The following KCNIP4 variants were observed in gnomAD, a reference collection of about 807,000 sequenced individuals.
KCNIP4 encodes the protein potassium voltage-gated channel interacting protein 4, also known as Kv channel-interacting protein 4.
KCNIP4 carries 12 observed loss-of-function variants against 34.0 expected under a neutral mutation model. The ratio of observed to expected loss-of-function variants is 0.35; its 90% confidence interval spans 0.23 to 0.57. The LOEUF (loss-of-function observed/expected upper bound fraction) is 0.57, where lower values mean the gene tolerates loss of function less well. Ranked by LOEUF, KCNIP4 falls within the 20% of genes least tolerant of loss-of-function variation. KCNIP4 has a pLI of 0.83. For synonymous variants in KCNIP4, 124 were observed against 102.2 expected (o/e 1.21, Z -1.29); for missense variants, 238 against 311.7 (o/e 0.76, Z 1.78).
chr4:21,479,235 CCTG>C (rs1329261980), intron 1 of KCNIP4, among the ~76,000 whole-genome samples: 2 of 152,076 alleles, frequency 1.3e-5, no homozygotes, highest in Non-Finnish European at 2.9e-5. Flanking sequence ...CTAGTCTCAT[CCTG>C]CTGCTGCTCA....
chr4:21,220,262 T>C (rs1757890766), intron 1 of KCNIP4, among the ~76,000 whole-genome samples: 1 of 152,080 alleles, frequency 6.6e-6, no homozygotes, highest in African/African-American at 2.4e-5. Flanking sequence ...TGGGCACAAA[T>C]TGGGTTGAGA....
At chr4:20,985,642 G>C (rs1421902623) in intron 1 of KCNIP4, among the ~76,000 whole-genome samples, 1 of 152,146 alleles carries the variant, frequency 6.6e-6, no homozygotes, top group East Asian at 1.9e-4. Flanking sequence ...ATAATACTCA[G>C]CTCTGTCTTT....
intron 3 of KCNIP4, among the ~76,000 whole-genome samples, chr4:20,844,579 C>T (rs901477003): frequency 1.3e-5 from 2 of 152,170 alleles, no homozygotes; most frequent in African/African-American, 4.8e-5. Context: ...GACAAAAGAG[C>T]AATTGCCTTA....
chr4:21,663,461 C>T (rs922977013), intron 1 of KCNIP4, among the ~76,000 whole-genome samples: 1 of 152,132 alleles, frequency 6.6e-6, no homozygotes, highest in Non-Finnish European at 1.5e-5. Context: ...ACTGCAGATG[C>T]TCCCTGGCTG....
chr4:21,412,808 CT>C (rs35182638), intron 1 of KCNIP4, among the ~76,000 whole-genome samples: 2 of 152,176 alleles, frequency 1.3e-5, no homozygotes, highest in Non-Finnish European at 2.9e-5. Flanking sequence ...TGTTCTGCTA[CT>C]TTTAACATGA....
chr4:21,170,652 G>A (rs1331238351), intron 1 of KCNIP4, among the ~76,000 whole-genome samples: 2 of 152,138 alleles, frequency 1.3e-5, no homozygotes, highest in Admixed American at 6.5e-5. Flanking sequence ...CATTGTGATT[G>A]CTCAGTATTA....
intron 3 of KCNIP4, among the ~76,000 whole-genome samples, chr4:20,819,270 C>T (rs1716810886): frequency 6.6e-6 from 1 of 152,136 alleles, no homozygotes; most frequent in Non-Finnish European, 1.5e-5. Flanking sequence ...ACTAACAGAA[C>T]TAGCACACAA....
At chr4:21,601,477 G>A (rs1179495285) in intron 1 of KCNIP4, among the ~76,000 whole-genome samples, 1 of 151,714 alleles carries the variant, frequency 6.6e-6, no homozygotes, top group Non-Finnish European at 1.5e-5. Flanking sequence ...TGTTTTTTCT[G>A]CACCTCTGTA....
chr4:20,979,500 G>A (rs534720272), intron 1 of KCNIP4, among the ~76,000 whole-genome samples: 1 of 150,464 alleles, frequency 6.6e-6, no homozygotes, highest in African/African-American at 2.4e-5. Context: ...CCGGGTTCAC[G>A]CCACTCTCCT....
chr4:21,357,762 G>T (rs1718789844), intron 1 of KCNIP4, among the ~76,000 whole-genome samples: 1 of 152,180 alleles, frequency 6.6e-6, no homozygotes, highest in South Asian at 2.1e-4. Context: ...ACAGTGTGGT[G>T]ATTCCTCAAG....
chr4:20,882,768 G>T, intron 1 of KCNIP4, 59 bp from the exon 2 acceptor site: 1 of 1,369,052 alleles, frequency 7.3e-7, no homozygotes, highest in Non-Finnish European at 1.0e-6. Flanking sequence ...GGGACGTGCT[G>T]CAGGGTTTAT....
chr4:20,866,039 C>T (rs1457331183), intron 2 of KCNIP4, among the ~76,000 whole-genome samples: 1 of 151,972 alleles, frequency 6.6e-6, no homozygotes, highest in Non-Finnish European at 1.5e-5. Flanking sequence ...AAAAAAAGCT[C>T]TGGACCAGAT....
At chr4:21,143,377 T>C (rs888213237) in intron 1 of KCNIP4, among the ~76,000 whole-genome samples, 13 of 152,264 alleles carry the variant, frequency 8.5e-5, no homozygotes, top group African/African-American at 1.7e-4. Context: ...AGAGTGACCA[T>C]TGACCAATAG....
chr4:21,262,886 G>A (rs1209713467), intron 1 of KCNIP4, among the ~76,000 whole-genome samples: 2 of 152,158 alleles, frequency 1.3e-5, no homozygotes, highest in Non-Finnish European at 2.9e-5. Context: ...CTGAGGACAT[G>A]GACTGTATCC....
At position 20,786,235 on chromosome 4, in the gene KCNIP4, G is replaced by T. The variant is rs190719607; in HGVS notation, c.289-27345C>A. On this transcript the variant is annotated intron_variant, in intron 3 of 8. Transcript: ENST00000382152. ...TGCATGTACTCACTTATACATGAGA[G>T]TTAAGGCTTGGGAACACATGGACAT... 3.3e-5 allele frequency among the ~76,000 whole-genome samples: 5 copies of T among 152,226 alleles called. No homozygotes were observed. The East Asian group carries it at 9.7e-4, about 29-fold the overall frequency.
At position 21,291,920 on chromosome 4, in the gene KCNIP4, AAAGAAAGAAAGAAAGAAAAAAAAAG is replaced by A. The variant is rs1280690907; in HGVS notation, c.62-409236_62-409212del. Among the ~76,000 whole-genome samples the A allele has an allele frequency of 9.6e-4, 89 of 92,258 alleles. 7 individuals are homozygous for A. Among genetic ancestry groups the A allele is most frequent in the Middle Eastern group, 9.5e-3 (2 of 210 alleles). The allele number at this position is 92,258 out of a possible 152,430, so 60.5% of individuals were successfully genotyped here. On this transcript the variant is annotated intron_variant, in intron 1 of 8. Transcript: ENST00000382152. ...GAAAGAAAGAAAGAAAGAAAGAAAG[AAAGAAAGAAAGAAAGAAAAAAAAAG>A]AAAAAAGTCTGATGAATAAATCTTC...
rs28789227 is a variant in KCNIP4 at position 20,853,522 on chromosome 4, C to G, written c.164-2855G>C. On this transcript the variant is annotated intron_variant, in intron 2 of 8. Transcript: ENST00000382152. ...TGGATTAAGGACTTAAATCTAAGAC[C>G]AGATACTGTAAAAATTCTAGAAGAT... 8.9e-3 allele frequency among the ~76,000 whole-genome samples: 1,359 copies of G among 152,250 alleles called. 20 individuals are homozygous for G. The highest frequency in any genetic ancestry group is 0.031 in the African/African-American group (1,287 of 41,544).
At chr4:20,803,557 T>C (rs902344544) in intron 3 of KCNIP4, among the ~76,000 whole-genome samples, 3 of 147,478 alleles carry the variant, frequency 2.0e-5, no homozygotes, top group African/African-American at 7.6e-5. Flanking sequence ...CTTGGGAGAT[T>C]GAGGTTGGGA....
intron 1 of KCNIP4, among the ~76,000 whole-genome samples, chr4:20,929,664 G>A (rs959801208): frequency 9.9e-5 from 15 of 151,870 alleles, no homozygotes; most frequent in African/African-American, 3.6e-4. Context: ...AAAACTGACA[G>A]AATGAATTAA....
Sources: allele counts gnomAD v4.1 joint callset (sites outside exome capture counted in the v4.1 genomes callset), GRCh38; gene constraint gnomAD v4.1.1; transcripts MANE v1.5; gene names NCBI Gene and HGNC (gene_info 2026-07-23, HGNC 2026-07-21).